LIMS2: variants seen among roughly 807,000 people sequenced by gnomAD.
LIMS2 encodes LIM zinc finger domain containing 2, also known as LIM and senescent cell antigen-like-containing domain protein 2.
In LIMS2, 30 loss-of-function variants were observed where a neutral mutation model predicts 45.3. The observed-to-expected ratio is 0.66, with a 90% CI of 0.50 to 0.90. The LOEUF is 0.90. Ranked by LOEUF, LIMS2 falls within the 40% of genes least tolerant of loss-of-function variation. LIMS2 has a pLI of 0.00. For synonymous variants in LIMS2, 173 were observed against 188.0 expected, an observed-to-expected ratio of 0.92 and a Z score of 0.65; for missense variants, 485 against 468.7, an observed-to-expected ratio of 1.03 and a Z score of -0.32.
At chr2:127,666,670 C>T (rs146566205) in intron 1 of LIMS2, among the ~76,000 whole-genome samples, 79 of 144,374 alleles carry the variant, frequency 5.5e-4, no homozygotes, top group African/African-American at 2.0e-3. Flanking sequence ...TCATGAGACT[C>T]GGTAAATTAT....
At chr2:127,651,209 G>GGTGGCT (rs1558882391) in intron 4 of LIMS2, 2 of 1,609,952 alleles carry the variant, frequency 1.2e-6, no homozygotes, top group South Asian at 2.2e-5. Context: ...TGTGGGTGGT[G>GGTGGCT]GTGGCTGTGG....
At chr2:127,666,373 A>C (rs1331220808) in intron 1 of LIMS2, among the ~76,000 whole-genome samples, 1 of 145,382 alleles carries the variant, frequency 6.9e-6, no homozygotes, top group East Asian at 1.9e-4. Context: ...AAACAGATGA[A>C]TCTTGGTAAA....
Position 127,654,505 on chromosome 2 carries a change from T to C in LIMS2, c.278A>G (p.Asn93Ser), listed in dbSNP as rs373800371. The change falls in exon 4 of 10, where the codon AAC (asparagine) becomes AGC (serine). Residue 93 changes from asparagine to serine, a missense_variant. By Grantham distance (46) the Asn-to-Ser change is conservative. Transcript: ENST00000355119. ...GCGGAAGCAGCCCGGGTGCCAGTTG[T>C]TGTTCATGGCCTTGATGACGCGGCC... ...IIGRVIKAMN[N>S]NWHPGCFRCE... 406 of 1,614,036 alleles carry C rather than the reference T, an allele frequency of 2.5e-4. No homozygotes were observed. The highest frequency in any genetic ancestry group is 3.2e-4 in the Non-Finnish European group (375 of 1,180,026).
chr2:127,662,179 G>C (rs1363124339), intron 1 of LIMS2, among the ~76,000 whole-genome samples: 1 of 152,170 alleles, frequency 6.6e-6, no homozygotes, highest in Non-Finnish European at 1.5e-5. Context: ...TGCAGCACAG[G>C]ACTCTGAACC....
At chr2:127,670,064 G>GA (rs1441757553) in intron 1 of LIMS2, among the ~76,000 whole-genome samples, 1 of 152,166 alleles carries the variant, frequency 6.6e-6, no homozygotes, top group Non-Finnish European at 1.5e-5. Flanking sequence ...CAATTACTTG[G>GA]AAAACAGCTT....
chr2:127,666,543 A>G (rs1050772002), intron 1 of LIMS2, among the ~76,000 whole-genome samples: 1 of 152,210 alleles, frequency 6.6e-6, no homozygotes, highest in African/African-American at 2.4e-5. Context: ...TATGCCAATA[A>G]ATGAAATAAC....
chr2:127,673,796 A>T, intron 1 of LIMS2: 1 of 1,511,958 alleles, frequency 6.6e-7, no homozygotes, highest in Non-Finnish European at 9.0e-7. Context: ...CTCTGAGGAA[A>T]ATGGGAGGCA....
chr2:127,677,880 G>T (rs1279079773), upstream of LIMS2, among the ~76,000 whole-genome samples: 3 of 152,240 alleles, frequency 2.0e-5, no homozygotes, highest in African/African-American at 7.2e-5. This position sits in a 1 kb window ranked among gnomAD's most constrained non-coding sequence, Gnocchi z 5.0. Flanking sequence ...CTGCCCTGAG[G>T]TGGCAGGACA....
At chr2:127,669,676 C>T (rs1347887757) in intron 1 of LIMS2, among the ~76,000 whole-genome samples, 2 of 151,896 alleles carry the variant, frequency 1.3e-5, no homozygotes, top group African/African-American at 4.8e-5. Flanking sequence ...TGAGATTGCA[C>T]TACTGCACTC....
In LIMS2 at chr2:127,642,782, T is replaced by C; in HGVS notation, c.509+141A>G. The stretch of plus-strand genomic sequence containing the variant: ...CCAGCCCACCTCTGCCCTGCAGCCT[T>C]GCTCTCGGGACCCCTCTGTCTGCCC... On this transcript the variant is annotated intron_variant, in intron 5 of 9. Coordinates refer to ENST00000355119, the MANE Select transcript of LIMS2 (RefSeq NM_001161403.3). The surrounding 1 kb of genome is among the most constrained non-coding windows in gnomAD (Gnocchi z 5.3). The C allele has an allele frequency of 1.1e-6, 1 of 914,726 alleles. No individual in the cohort carries two copies. Among genetic ancestry groups the C allele is most frequent in the Non-Finnish European group, 1.6e-6 (1 of 617,950 alleles). The allele number at this position is 914,726 out of a possible 1,614,324, so 56.7% of individuals were successfully genotyped here.
intron 4 of LIMS2, chr2:127,651,693 C>A: frequency 1.2e-6 from 2 of 1,613,172 alleles, no homozygotes; most frequent in Non-Finnish European, 1.7e-6. Context: ...GCTCAAGGGC[C>A]CGCCCCCCAG....
In LIMS2 at chr2:127,675,304, A is replaced by G. The variant is rs1381131017; in HGVS notation, c.-280T>C. The stretch of plus-strand genomic sequence containing the variant: ...GAGTATAGGTGGGGGTGGGGGTGGC[A>G]GGTGGGGGTGGCGGCGGGTAGGGTT... On this transcript the variant is annotated 5_prime_UTR_variant, in exon 1 of 10. Coordinates refer to ENST00000355119, the MANE Select transcript of LIMS2 (RefSeq NM_001161403.3). 7.4e-5 allele frequency: 5 copies of G among 67,510 alleles called. No homozygotes were observed. In the East Asian group the frequency reaches 2.4e-3, roughly 33 times the overall value. The allele number at this position is 67,510 out of a possible 1,614,324, so 4.2% of individuals were successfully genotyped here. A position where few individuals can be genotyped will look rare whatever the true frequency, so the allele number is the denominator to read the frequency against.
chr2:127,661,529 T>A (rs1306410558), intron 1 of LIMS2, among the ~76,000 whole-genome samples: 3 of 152,078 alleles, frequency 2.0e-5, no homozygotes, highest in African/African-American at 7.3e-5. Context: ...TCCTTCAAGA[T>A]AGAGAGCACA....
rs7591310 is a variant in LIMS2 at position 127,673,920 on chromosome 2, A to G, written c.11+1094T>C. 125,235 of 611,778 alleles carry G rather than the reference A, an allele frequency of 0.2. 13,521 individuals are homozygous for G. The highest frequency in any genetic ancestry group is 0.29 in the Middle Eastern group (933 of 3,212). The allele number at this position is 611,778 out of a possible 1,614,324, so 37.9% of individuals were successfully genotyped here. On this transcript the variant is annotated intron_variant, in intron 1 of 9. Coordinates refer to ENST00000355119, the MANE Select transcript of LIMS2 (RefSeq NM_001161403.3). ...CAGAGGGGCCTGGGCCAAGGCTTAG[A>G]GGTGACTCCAAGTCAGGGGAGCTAA...
At chr2:127,665,105 A>C (rs983287823) in intron 1 of LIMS2, among the ~76,000 whole-genome samples, 1 of 152,148 alleles carries the variant, frequency 6.6e-6, no homozygotes, top group Non-Finnish European at 1.5e-5. Flanking sequence ...TTTTACCCAG[A>C]GAGACTGGCA....
chr2:127,654,284 G>T, intron 4 of LIMS2, 140 bp downstream of exon 4: 1 of 1,167,872 alleles, frequency 8.6e-7, no homozygotes, highest in Non-Finnish European at 1.2e-6. Flanking sequence ...TGACCTGGAG[G>T]GAGGGCAGCT....
Position 127,664,627 on chromosome 2 carries a change from T to C in LIMS2, c.12-7065A>G. The C allele has an allele frequency of 1.0e-5, 11 of 1,102,296 alleles. No individual in the cohort carries two copies. Among genetic ancestry groups the C allele is most frequent in the Non-Finnish European group, 1.2e-5 (11 of 906,158 alleles). 68.3% of individuals were successfully genotyped at this position (1,102,296 alleles called of 1,614,324 possible). On this transcript the variant is annotated intron_variant, in intron 1 of 9. Transcript: ENST00000355119. The surrounding 1 kb of genome is among the most constrained non-coding windows in gnomAD (Gnocchi z 5.5). ...CGCCGCGGGGGCAGCTCCTGAAAGC[T>C]GAGGCTGGCGGGGGTTGGGTCCCGC... is the stretch of plus-strand genomic sequence containing the variant.
intron 6 of LIMS2, 57 bp from the exon 7 acceptor site, chr2:127,641,045 G>A: frequency 1.4e-6 from 2 of 1,419,018 alleles, no homozygotes; most frequent in Non-Finnish European, 2.0e-6. Context: ...GACCCCGAGG[G>A]ACAGTGGTGA....
chr2:127,655,999 C>CT (rs1433586356), intron 2 of LIMS2: 2 of 152,270 alleles, frequency 1.3e-5, no homozygotes, highest in African/African-American at 4.8e-5. Context: ...TCATGGCCAA[C>CT]TCCTGGCTGC....
Sources: allele counts gnomAD v4.1 joint callset (sites outside exome capture counted in the v4.1 genomes callset), GRCh38; gene constraint gnomAD v4.1.1; non-coding constraint Gnocchi (gnomAD v3.1); transcripts MANE v1.5; gene names NCBI Gene and HGNC (gene_info 2026-07-23, HGNC 2026-07-21).